The following NFIA variants were observed in gnomAD, a reference collection of about 807,000 sequenced individuals.
The protein encoded by NFIA is nuclear factor I A, also known as nuclear factor 1 A-type.
A neutral mutation model predicts 62.8 loss-of-function variants in NFIA; 8 were observed. The ratio of observed to expected loss-of-function variants is 0.13; its 90% CI spans 0.07 to 0.23. The LOEUF (loss-of-function observed/expected upper bound fraction) is 0.23. Among genes scored for constraint, NFIA ranks in the 10% least tolerant of loss-of-function variants. The pLI, the probability that NFIA is intolerant of heterozygous loss-of-function variation, is 1.00. For synonymous variants in NFIA, 235 were observed against 238.1 expected (o/e 0.99, Z 0.12); for missense variants, 410 against 642.1 (o/e 0.64, Z 3.91).
intron 2 of NFIA, among the ~76,000 whole-genome samples, chr1:61,264,801 A>T (rs751729114): frequency 2.6e-5 from 4 of 152,174 alleles, no homozygotes; most frequent in Non-Finnish European, 5.9e-5. Flanking sequence ...TGAGTTACTG[A>T]AATGGAAAAT....
In NFIA at chr1:61,101,547, CAGG is replaced by C. The variant is rs147607214; in HGVS notation, c.559+12870_559+12872del. ...ATAGCGTTATAGGAAAATGAAACAG[CAGG>C]AGAACGAGAGAGTAGAAAACAGAAA... On this transcript the variant is annotated intron_variant, in intron 2 of 10. Transcript: ENST00000403491. 3.0e-3 allele frequency among the ~76,000 whole-genome samples: 452 copies of C among 152,042 alleles called. 5 individuals carry two copies. The highest frequency in any genetic ancestry group is 9.7e-3 in the African/African-American group (403 of 41,448).
chr1:61,376,748 C>T (rs1664168286), intron 6 of NFIA, among the ~76,000 whole-genome samples: 1 of 152,058 alleles, frequency 6.6e-6, no homozygotes, highest in African/African-American at 2.4e-5. Context: ...AGGGAAACTA[C>T]ATGAGGGTTT....
chr1:61,306,546 A>G lies in NFIA; in HGVS notation c.626-25966A>G, dbSNP rs185540624. Among the ~76,000 whole-genome samples the G allele has an allele frequency of 1.9e-4, 29 of 152,240 alleles. No individual in the cohort carries two copies. In the East Asian group the frequency reaches 5.6e-3, roughly 29 times the overall value. ...CACCTTGGCCTCCCAAAGTGCTGCT[A>G]GATTTTGTTCTCAAATAGCAGCTGT... On this transcript the variant is annotated intron_variant, in intron 3 of 10. Transcript: ENST00000403491.
intron 7 of NFIA, among the ~76,000 whole-genome samples, chr1:61,386,304 T>A (rs1664683706): frequency 6.6e-6 from 1 of 152,182 alleles, no homozygotes; most frequent in South Asian, 2.1e-4. Context: ...CCTCTGACAC[T>A]CCTTGTATTG....
intron 7 of NFIA, among the ~76,000 whole-genome samples, chr1:61,398,319 G>C (rs978465446): frequency 7.2e-5 from 11 of 152,182 alleles, no homozygotes; most frequent in Non-Finnish European, 4.4e-5. Context: ...CAAAGGTCTT[G>C]AAGTAGCTAA....
intron 2 of NFIA, among the ~76,000 whole-genome samples, chr1:61,219,399 C>G (rs1156669430): frequency 6.6e-6 from 1 of 151,926 alleles, no homozygotes; most frequent in East Asian, 1.9e-4. Context: ...TAAGGAACTA[C>G]CAACTATCTA....
At chr1:61,360,293 T>C (rs1199401528) in intron 6 of NFIA, among the ~76,000 whole-genome samples, 1 of 152,188 alleles carries the variant, frequency 6.6e-6, no homozygotes, top group African/African-American at 2.4e-5. Context: ...CTCCAAAGCT[T>C]CCTGAATATG....
chr1:61,258,787 G>A (rs1656580061), intron 2 of NFIA, among the ~76,000 whole-genome samples: 1 of 152,060 alleles, frequency 6.6e-6, no homozygotes, highest in African/African-American at 2.4e-5. Flanking sequence ...GGAGTGGGGT[G>A]ACATGATCAT....
At chr1:61,149,089 T>A (rs1237269921) in intron 2 of NFIA, among the ~76,000 whole-genome samples, 1 of 147,408 alleles carries the variant, frequency 6.8e-6, no homozygotes, top group African/African-American at 2.5e-5. Flanking sequence ...GAGATATGGG[T>A]CTAATTATGT....
intron 2 of NFIA, among the ~76,000 whole-genome samples, chr1:61,174,393 C>T (rs918371010): frequency 3.9e-5 from 6 of 152,204 alleles, no homozygotes; most frequent in African/African-American, 1.4e-4. Flanking sequence ...TTTTGCTTTC[C>T]ATGTGGTCTA....
At chr1:61,133,037 T>C (rs1028270782) in intron 2 of NFIA, 3 of 152,210 alleles carry the variant, frequency 2.0e-5, no homozygotes, top group African/African-American at 4.8e-5. Context: ...AAGATGTCCA[T>C]GTGCATTCTT....
chr1:61,119,227 C>T (rs1250445099), intron 2 of NFIA, among the ~76,000 whole-genome samples: 2 of 152,094 alleles, frequency 1.3e-5, no homozygotes, highest in Non-Finnish European at 2.9e-5. Flanking sequence ...CTTACAAAAC[C>T]TGGCTTACTC....
intron 9 of NFIA, among the ~76,000 whole-genome samples, chr1:61,408,887 T>C (rs961571482): frequency 2.0e-5 from 3 of 152,222 alleles, no homozygotes; most frequent in Non-Finnish European, 4.4e-5. Context: ...AACTCTTACA[T>C]AGTGGAAGAC....
At chr1:61,393,728 G>A (rs1441681823) in intron 7 of NFIA, among the ~76,000 whole-genome samples, 1 of 152,116 alleles carries the variant, frequency 6.6e-6, no homozygotes, top group Non-Finnish European at 1.5e-5. Flanking sequence ...CCAGAAGAAG[G>A]GGTGAAGAAC....
chr1:61,393,464 G>GA (rs1665115044), intron 7 of NFIA, among the ~76,000 whole-genome samples: 2 of 150,854 alleles, frequency 1.3e-5, no homozygotes, highest in East Asian at 4.0e-4. Flanking sequence ...AATCCCAAGA[G>GA]AAAAAAGAGC....
intron 2 of NFIA, chr1:61,125,224 T>C (rs1324849812): frequency 6.6e-6 from 1 of 152,202 alleles, no homozygotes; most frequent in Non-Finnish European, 1.5e-5. Flanking sequence ...TGTTTATGAA[T>C]GGCCAATAAT....
chr1:61,113,538 G>T (rs995082087), intron 2 of NFIA, among the ~76,000 whole-genome samples: 5 of 143,158 alleles, frequency 3.5e-5, no homozygotes, highest in Admixed American at 2.9e-4. Context: ...AGGTTGTAAT[G>T]AGCTGAGAGT....
At chr1:61,136,460 A>G (rs1367325342) in intron 2 of NFIA, among the ~76,000 whole-genome samples, 2 of 152,238 alleles carry the variant, frequency 1.3e-5, no homozygotes, top group African/African-American at 4.8e-5. Context: ...CTGGGAAGGC[A>G]ATCAACATTA....
chr1:61,176,262 T>C (rs1255213482), intron 2 of NFIA, among the ~76,000 whole-genome samples: 1 of 152,208 alleles, frequency 6.6e-6, no homozygotes, highest in Non-Finnish European at 1.5e-5. Context: ...TACCGGGTGA[T>C]AATTCTCCCC....
Sources: allele counts gnomAD v4.1 joint callset (sites outside exome capture counted in the v4.1 genomes callset), GRCh38; gene constraint gnomAD v4.1.1; transcripts MANE v1.5; gene names NCBI Gene and HGNC (gene_info 2026-07-23, HGNC 2026-07-21).